Variants in ANO6 observed in about 807,000 individuals in gnomAD.
The protein encoded by ANO6 is anoctamin 6.
In ANO6, 106 loss-of-function variants were observed where a neutral mutation model predicts 117.5. That is an observed-to-expected ratio of 0.90 (90% CI 0.77 to 1.06). The LOEUF (loss-of-function observed/expected upper bound fraction) is 1.06, where lower values mean the gene tolerates loss of function less well. ANO6 is among the 50% of genes least tolerant of loss of function. The probability of loss-of-function intolerance (pLI) is 0.00; values close to 1 mark genes in which losing one functional copy is unlikely to be tolerated. For missense variants in ANO6, 955 were observed against 1,121.1 expected (o/e 0.85, Z 2.12); for synonymous variants, 367 against 385.1 (o/e 0.95, Z 0.55).
chr12:45,371,608 C>T (rs1463912555), intron 9 of ANO6, among the ~76,000 whole-genome samples: 3 of 152,022 alleles, frequency 2.0e-5, no homozygotes, highest in Non-Finnish European at 4.4e-5. Flanking sequence ...CACACTGACA[C>T]CTCACACGGC....
chr12:45,248,429 T>C (rs922565509), intron 1 of ANO6, among the ~76,000 whole-genome samples: 2 of 102,478 alleles, frequency 2.0e-5, no homozygotes, highest in African/African-American at 5.2e-5. Context: ...AAAAGTAGAC[T>C]TTTTTTTTTT....
chr12:45,368,614 C>CT, intron 9 of ANO6, among the ~76,000 whole-genome samples: 1 of 152,278 alleles, frequency 6.6e-6, no homozygotes, highest in South Asian at 2.1e-4. Context: ...TGAAAGCAGG[C>CT]TGGAAACTCT....
intron 11 of ANO6, 70 bp downstream of exon 11, chr12:45,388,373 T>A: frequency 6.3e-7 from 1 of 1,589,418 alleles, no homozygotes; most frequent in Non-Finnish European, 8.6e-7. Flanking sequence ...GGCCGCACAT[T>A]AGAATCACTT....
chr12:45,374,698 G>A (rs1311439778), intron 9 of ANO6, among the ~76,000 whole-genome samples: 2,197 of 141,054 alleles, frequency 0.016, 57 homozygotes, highest in African/African-American at 0.055. Flanking sequence ...TTGATGGGAC[G>A]TATTTCAAAA....
intron 1 of ANO6, among the ~76,000 whole-genome samples, chr12:45,280,404 G>A (rs190656023): frequency 5.8e-4 from 88 of 152,234 alleles, no homozygotes; most frequent in African/African-American, 1.8e-3. Context: ...AGACCAAAGG[G>A]CAGTGCTTCA....
chr12:45,231,581 A>G (rs1592845706), intron 1 of ANO6, among the ~76,000 whole-genome samples: 1 of 152,326 alleles, frequency 6.6e-6, no homozygotes, highest in East Asian at 1.9e-4. Flanking sequence ...TTTTTCTATG[A>G]AAGCCAAAAT....
chr12:45,217,580 TC>T (rs1273323797), intron 1 of ANO6, among the ~76,000 whole-genome samples: 1 of 152,232 alleles, frequency 6.6e-6, no homozygotes, highest in Admixed American at 6.5e-5. Flanking sequence ...TAGTTATTCA[TC>T]TTTAAGGAGA....
intron 9 of ANO6, 41 bp downstream of exon 9, chr12:45,367,834 T>C: frequency 3.5e-6 from 5 of 1,421,616 alleles, no homozygotes; most frequent in Non-Finnish European, 5.0e-6. Context: ...TAATGAAAGA[T>C]TTTTTTTCTA....
At position 45,340,707 on chromosome 12, in the gene ANO6, A is replaced by T. The variant is rs969696879; in HGVS notation, c.280-6315A>T. On this transcript the variant is annotated intron_variant, in intron 3 of 19. Coordinates refer to ENST00000320560, the MANE Select transcript of ANO6 (RefSeq NM_001025356.3). Reference sequence around the variant, plus strand: ...CAATGGCTATGTCAGCCAATATGCAATATTAATTATCTTTCATTTTTAACA... The same window carrying T: ...CAATGGCTATGTCAGCCAATATGCATTATTAATTATCTTTCATTTTTAACA... Among the ~76,000 whole-genome samples the T allele has an allele frequency of 1.6e-4, 25 of 152,156 alleles. 1 individual carries two copies. The highest frequency in any genetic ancestry group is 5.8e-4 in the African/African-American group (24 of 41,450).
Position 45,216,394 on chromosome 12 carries a change from G to C in ANO6, c.70+3G>C, listed in dbSNP as rs766341234. On this transcript the variant is annotated splice_donor_region_variant and intron_variant, in intron 1 of 19. Coordinates refer to ENST00000320560, the MANE Select transcript of ANO6 (RefSeq NM_001025356.3). ...GGACGACGACGATGGGGATATCGGT[G>C]AGCGAGGGGTCCCCGCGTCCCCACC... 6.2e-7 allele frequency: 1 copy of C among 1,611,130 alleles called. No individual in the cohort carries two copies.
intron 1 of ANO6, among the ~76,000 whole-genome samples, chr12:45,283,572 ATAATT>A (rs925187725): frequency 2.0e-5 from 3 of 152,374 alleles, no homozygotes; most frequent in African/African-American, 7.2e-5. Flanking sequence ...ATTCAGTTAT[ATAATT>A]TAATGTTTCC....
intron 1 of ANO6, among the ~76,000 whole-genome samples, chr12:45,298,603 A>G (rs1036961163): frequency 9.8e-5 from 15 of 152,326 alleles, no homozygotes; most frequent in East Asian, 1.9e-4. Flanking sequence ...TTCTACCTAG[A>G]TGATGTTTCA....
chr12:45,374,060 G>A (rs1173200989), intron 9 of ANO6, among the ~76,000 whole-genome samples: 10 of 151,742 alleles, frequency 6.6e-5, no homozygotes, highest in African/African-American at 2.2e-4. Flanking sequence ...TACCATCAGA[G>A]AATACTACAA....
chr12:45,405,241 T>C lies in ANO6; in HGVS notation c.1880+1705T>C, dbSNP rs1042087514. 5.1e-4 allele frequency among the ~76,000 whole-genome samples: 77 copies of C among 152,182 alleles called. 1 individual carries two copies. Among genetic ancestry groups the C allele is most frequent in the African/African-American group, 1.8e-3 (75 of 41,444 alleles). On this transcript the variant is annotated intron_variant, in intron 15 of 19. Transcript: ENST00000320560. ...AACAAATATATAAAATTGAGGAAAG[T>C]CTTAATCCATTCTGAGATTAAAAAG...
Position 45,429,225 on chromosome 12 carries a change from C to T in ANO6, c.2647C>T (p.Leu883Phe). Reference sequence around the variant, plus strand: ...CCAAAAGCTTCTTCATGAGAATCACCTCAAAGATATGACGAAAAATATGGG... The same window carrying T: ...CCAAAAGCTTCTTCATGAGAATCACTTCAAAGATATGACGAAAAATATGGG... ...LTQKLLHENH[L>F]KDMTKNMGVI... The change falls in exon 20 of 20, where the codon CTC (leucine) becomes TTC (phenylalanine). Residue 883 changes from leucine (L) to phenylalanine (F), a missense_variant. By Grantham distance (22) the Leu-to-Phe change is conservative. Coordinates refer to ENST00000320560, the MANE Select transcript of ANO6 (RefSeq NM_001025356.3). 1.2e-6 allele frequency: 2 copies of T among 1,613,852 alleles called. No individual in the cohort carries two copies. The highest frequency in any genetic ancestry group is 1.7e-6 in the Non-Finnish European group (2 of 1,179,928).
intron 1 of ANO6, among the ~76,000 whole-genome samples, chr12:45,262,897 T>C (rs1236088340): frequency 6.6e-6 from 1 of 152,216 alleles, no homozygotes; most frequent in African/African-American, 2.4e-5. Flanking sequence ...GCGAAAGTAG[T>C]GAACAAAACA....
chr12:45,228,261 T>C (rs1428453385), intron 1 of ANO6: 1 of 417,218 alleles, frequency 2.4e-6, no homozygotes, highest in East Asian at 7.8e-5. Context: ...CTCCTGCGTA[T>C]CTGGGACCAC....
At chr12:45,348,399 T>TA in intron 5 of ANO6, 84 bp downstream of exon 5, 4 of 1,588,358 alleles carry the variant, frequency 2.5e-6, no homozygotes, top group Middle Eastern at 1.7e-4. Context: ...GTTTTATTTT[T>TA]AAAAACTGCA....
intron 15 of ANO6, among the ~76,000 whole-genome samples, chr12:45,403,774 C>G (rs1942861318): frequency 1.3e-5 from 2 of 152,184 alleles, no homozygotes; most frequent in Admixed American, 6.5e-5. Context: ...AAATCCCCAT[C>G]TGCTAGAGTT....
Sources: gnomAD v4.1 joint callset for allele counts (sites outside exome capture counted in the v4.1 genomes callset) on GRCh38, gnomAD v4.1.1 for gene constraint, MANE v1.5 for transcripts, NCBI Gene and HGNC (gene_info 2026-07-23, HGNC 2026-07-21) for gene names.